DCLK1: variants seen among roughly 807,000 people sequenced by gnomAD.
The protein encoded by DCLK1 is doublecortin like kinase 1.
DCLK1 carries 16 observed loss-of-function variants against 86.2 expected under a neutral mutation model. The ratio of observed to expected loss-of-function variants is 0.19; its 90% CI spans 0.13 to 0.28. The LOEUF (loss-of-function observed/expected upper bound fraction) is 0.28. Among genes scored for constraint, DCLK1 ranks in the 10% least tolerant of loss-of-function variants. The pLI, the probability that DCLK1 is intolerant of heterozygous loss-of-function variation, is 1.00. For missense variants in DCLK1, 590 were observed against 940.2 expected, an observed-to-expected ratio of 0.63 and a Z score of 4.87; for synonymous variants, 369 against 370.5, an observed-to-expected ratio of 1.00 and a Z score of 0.05.
chr13:35,873,268 A>C (rs1165767415), intron 4 of DCLK1, among the ~76,000 whole-genome samples: 1 of 152,076 alleles, frequency 6.6e-6, no homozygotes, highest in Non-Finnish European at 1.5e-5. Flanking sequence ...AACATAAATA[A>C]ATAAAAATAA....
chr13:36,087,240 A>G (rs979531830), intron 3 of DCLK1, among the ~76,000 whole-genome samples: 1 of 151,902 alleles, frequency 6.6e-6, no homozygotes, highest in African/African-American at 2.4e-5. Context: ...GCTTTTTTTC[A>G]TGTTTGCTGG....
At chr13:36,092,178 CT>C (rs1385400937) in intron 3 of DCLK1, among the ~76,000 whole-genome samples, 2 of 151,992 alleles carry the variant, frequency 1.3e-5, no homozygotes, top group African/African-American at 2.4e-5. Flanking sequence ...CGGAAGACAA[CT>C]AATGTCTAAG....
chr13:35,827,948 C>T (rs1015724050), intron 9 of DCLK1, among the ~76,000 whole-genome samples, 194 bp from the exon 10 acceptor site: 1 of 152,108 alleles, frequency 6.6e-6, no homozygotes, highest in Non-Finnish European at 1.5e-5. Flanking sequence ...ATAATGCTTG[C>T]AAATTCAGAA....
chr13:36,117,832 A>G (rs9546423), intron 2 of DCLK1, among the ~76,000 whole-genome samples: 59,886 of 151,742 alleles, frequency 0.39, 13,319 homozygotes, highest in East Asian at 0.77. Flanking sequence ...AGATTCCACC[A>G]CAAGGCAGTA....
intron 3 of DCLK1, among the ~76,000 whole-genome samples, chr13:35,963,284 A>G (rs960954832): frequency 6.6e-6 from 1 of 152,242 alleles, no homozygotes; most frequent in Non-Finnish European, 1.5e-5. Context: ...TTATGAGCCT[A>G]CTACGCTTGA....
chr13:36,020,159 C>T (rs1189339684), intron 3 of DCLK1, among the ~76,000 whole-genome samples: 3 of 152,102 alleles, frequency 2.0e-5, no homozygotes, highest in Admixed American at 2.0e-4. Context: ...ATGCTGGTGC[C>T]ATGCTTCTTG....
intron 4 of DCLK1, among the ~76,000 whole-genome samples, chr13:35,909,193 G>A (rs1874857402): frequency 6.6e-6 from 1 of 152,190 alleles, no homozygotes. Context: ...GTGGCTGTAG[G>A]TGGGGCCACA....
chr13:35,930,716 C>A (rs1355011044), intron 4 of DCLK1, among the ~76,000 whole-genome samples: 1 of 152,204 alleles, frequency 6.6e-6, no homozygotes, highest in East Asian at 1.9e-4. Context: ...CCTACATAAG[C>A]AAGCTGAAAT....
chr13:35,992,521 A>G (rs1351332704), intron 3 of DCLK1, among the ~76,000 whole-genome samples: 1 of 151,720 alleles, frequency 6.6e-6, no homozygotes, highest in Non-Finnish European at 1.5e-5. Flanking sequence ...AGTTTTGTGC[A>G]TTTCTAACTT....
intron 3 of DCLK1, among the ~76,000 whole-genome samples, chr13:35,964,259 A>G (rs1878611321): frequency 6.6e-6 from 1 of 152,228 alleles, no homozygotes; most frequent in Non-Finnish European, 1.5e-5. Flanking sequence ...ATTCAAAAGG[A>G]ATATGCCGTG....
At chr13:35,937,594 G>T (rs9601678) in intron 4 of DCLK1, among the ~76,000 whole-genome samples, 2,903 of 152,280 alleles carry the variant, frequency 0.019, 54 homozygotes, top group Non-Finnish European at 0.031. Flanking sequence ...TTTTTATCTA[G>T]AAGAGTCCAC....
At chr13:36,038,205 T>C (rs74044331) in intron 3 of DCLK1, among the ~76,000 whole-genome samples, 2,008 of 152,334 alleles carry the variant, frequency 0.013, 63 homozygotes, top group African/African-American at 0.046. Flanking sequence ...CCTTGCTTGC[T>C]AAGCTGGTAA....
intron 6 of DCLK1, 94 bp downstream of exon 6, chr13:35,854,405 G>T (rs572898441): frequency 4.1e-6 from 4 of 969,646 alleles, no homozygotes; most frequent in Non-Finnish European, 5.8e-6. Flanking sequence ...CTTAGATATC[G>T]CCTAGAGACG....
At chr13:35,971,890 T>C (rs1031892219) in intron 3 of DCLK1, among the ~76,000 whole-genome samples, 7 of 152,222 alleles carry the variant, frequency 4.6e-5, no homozygotes, top group Non-Finnish European at 8.8e-5. Flanking sequence ...TTGTTGTTGT[T>C]TGCACAAGGA....
intron 4 of DCLK1, among the ~76,000 whole-genome samples, chr13:35,918,892 G>GGTTTTTTTTTTTTTTTTT (rs1875600883): frequency 3.9e-5 from 3 of 76,310 alleles, no homozygotes; most frequent in East Asian, 7.6e-4. Context: ...TTCTGAGTGT[G>GGTTTTTTTTTTTTTTTTT]TTTTTTTTTT....
At chr13:35,882,745 C>T (rs1309225931) in intron 4 of DCLK1, among the ~76,000 whole-genome samples, 1 of 152,078 alleles carries the variant, frequency 6.6e-6, no homozygotes, top group Non-Finnish European at 1.5e-5. Context: ...CATACCTCCA[C>T]ACTCAACTTA....
chr13:35,822,021 A>T (rs993073519), intron 11 of DCLK1, among the ~76,000 whole-genome samples: 1 of 151,536 alleles, frequency 6.6e-6, no homozygotes, highest in Non-Finnish European at 1.5e-5. Context: ...ACCAATTATA[A>T]TTTTTTTTTC....
At chr13:35,861,004 A>G (rs983680322) in intron 5 of DCLK1, among the ~76,000 whole-genome samples, 2 of 152,256 alleles carry the variant, frequency 1.3e-5, no homozygotes, top group Non-Finnish European at 2.9e-5. Context: ...GCATGGGTCC[A>G]GAGAAGAAAT....
At position 36,046,127 on chromosome 13, in the gene DCLK1, A is replaced by G. The variant is rs555292623; in HGVS notation, c.723+65742T>C. Among the ~76,000 whole-genome samples the G allele has an allele frequency of 8.5e-5, 13 of 152,270 alleles. No individual in the cohort carries two copies. The South Asian group carries it at 2.5e-3, about 29-fold the overall frequency. On this transcript the variant is annotated intron_variant, in intron 3 of 16. Coordinates refer to ENST00000360631, the MANE Select transcript of DCLK1 (RefSeq NM_001330071.2). ...AAGAAAGTTATGAGAACTGGTTAGG[A>G]TGAACCTTTACTTTCTTTTCTAATA...
Sources: allele counts gnomAD v4.1 joint callset (sites outside exome capture counted in the v4.1 genomes callset), GRCh38; gene constraint gnomAD v4.1.1; transcripts MANE v1.5; gene names NCBI Gene and HGNC (gene_info 2026-07-23, HGNC 2026-07-21).